The following SH3GL1 variants were observed in gnomAD, a reference collection of about 807,000 sequenced individuals.
SH3GL1 encodes the protein endophilin-A2.
SH3GL1 carries 21 observed loss-of-function variants against 48.8 expected under a neutral mutation model. The observed-to-expected ratio is 0.43, with a 90% CI of 0.30 to 0.62. SH3GL1 has a LOEUF of 0.62. SH3GL1 is among the 20% of genes least tolerant of loss of function. SH3GL1 has a pLI of 0.11. For missense variants in SH3GL1, 454 were observed against 503.0 expected (o/e 0.90, Z 0.93); for synonymous variants, 282 against 217.5 (o/e 1.30, Z -2.61).
chr19:4,372,021 C>T (rs891076838), intron 1 of SH3GL1, among the ~76,000 whole-genome samples: 3 of 152,166 alleles, frequency 2.0e-5, no homozygotes, highest in African/African-American at 4.8e-5. Context: ...ACTATGTTGC[C>T]CAGGCTGGTC....
intron 1 of SH3GL1, among the ~76,000 whole-genome samples, chr19:4,399,670 G>C (rs1247450574): frequency 6.6e-6 from 1 of 152,152 alleles, no homozygotes; most frequent in Non-Finnish European, 1.5e-5. Context: ...CAGTGCCGAC[G>C]GAGGGGGAGA....
chr19:4,399,299 G>A (rs183386474), intron 1 of SH3GL1, among the ~76,000 whole-genome samples: 1 of 113,726 alleles, frequency 8.8e-6, no homozygotes, highest in Non-Finnish European at 1.6e-5. Context: ...CAGCTGGGGC[G>A]ACAGAGCATG....
chr19:4,382,865 G>A (rs557155238), intron 1 of SH3GL1, among the ~76,000 whole-genome samples: 2 of 152,312 alleles, frequency 1.3e-5, no homozygotes, highest in African/African-American at 4.8e-5. Context: ...GTTTCTGTGA[G>A]CCTCTGCTCA....
At chr19:4,382,253 CTTT>C (rs34085741) in intron 1 of SH3GL1, among the ~76,000 whole-genome samples, 1 of 102,346 alleles carries the variant, frequency 9.8e-6, no homozygotes, top group East Asian at 2.8e-4. Context: ...GCTCCGCTTT[CTTT>C]TTTTTTTTTT....
intron 1 of SH3GL1, among the ~76,000 whole-genome samples, chr19:4,377,901 G>A (rs1032417957): frequency 2.0e-5 from 3 of 152,208 alleles, no homozygotes; most frequent in East Asian, 3.8e-4. Flanking sequence ...CTGAAGACTC[G>A]CGTTTGGGTC....
At chr19:4,366,460 G>GAGGGCCTGGGGC (rs1568409387) in intron 3 of SH3GL1, 41 bp downstream of exon 3, 3 of 1,499,392 alleles carry the variant, frequency 2.0e-6, no homozygotes, top group Non-Finnish European at 2.8e-6. Flanking sequence ...ACAGAGGCCA[G>GAGGGCCTGGGGC]AGGGCCTGGG....
intron 7 of SH3GL1, 99 bp from the exon 8 acceptor site, chr19:4,362,835 G>A: frequency 6.3e-7 from 1 of 1,575,912 alleles, no homozygotes. Flanking sequence ...GCCTGGGACT[G>A]CAGGAAGAGG....
intron 1 of SH3GL1, among the ~76,000 whole-genome samples, chr19:4,383,943 T>C (rs776102216): frequency 7.9e-5 from 12 of 152,180 alleles, no homozygotes; most frequent in Non-Finnish European, 1.6e-4. Context: ...ACATATGCGA[T>C]GGGTGACAGA....
At chr19:4,364,709 G>T (rs1479483451) in intron 4 of SH3GL1, 1 of 156,244 alleles carries the variant, frequency 6.4e-6, no homozygotes, top group Admixed American at 6.3e-5. Flanking sequence ...GATTACAGGC[G>T]TGAGCCACCG....
chr19:4,388,653 G>T lies in SH3GL1; in HGVS notation c.45+11671C>A, dbSNP rs892325647. Reference sequence around the variant, plus strand: ...AGCCAGTTTCTGGAGGCTGGGAGTGGTTTAGTTTGGGGAAGCATTCAAGCC... The same window carrying T: ...AGCCAGTTTCTGGAGGCTGGGAGTGTTTTAGTTTGGGGAAGCATTCAAGCC... On this transcript the variant is annotated intron_variant, in intron 1 of 9. Transcript: ENST00000269886. Among the ~76,000 whole-genome samples the T allele has an allele frequency of 5.3e-5, 8 of 152,326 alleles. No homozygotes were observed. The East Asian group carries it at 1.5e-3, about 29-fold the overall frequency.
intron 1 of SH3GL1, among the ~76,000 whole-genome samples, chr19:4,370,349 C>T (rs1024788776): frequency 2.6e-5 from 4 of 152,226 alleles, no homozygotes; most frequent in African/African-American, 9.6e-5. Context: ...GCTCCGCACT[C>T]GAGTCCATCC....
chr19:4,388,482 G>C (rs1973276278), intron 1 of SH3GL1, among the ~76,000 whole-genome samples: 1 of 152,210 alleles, frequency 6.6e-6, no homozygotes, highest in Non-Finnish European at 1.5e-5. Context: ...ACAGGGAGAA[G>C]TGGGAGGAGC....
rs758886680 is a variant in SH3GL1, at chr19:4,365,594, C to T, written c.219G>A (p.Thr73=). The T allele has an allele frequency of 1.2e-6, 2 of 1,614,154 alleles. No homozygotes were observed. Among genetic ancestry groups the T allele is most frequent in the Non-Finnish European group, 1.7e-6 (2 of 1,180,040 alleles). ...TCACCTGGCCCCGGATCTTGGACACCGTGTTGAGCATGGTCAGCTTAGCCC... is the reference window on the plus strand; with the variant it reads ...TCACCTGGCCCCGGATCTTGGACACTGTGTTGAGCATGGTCAGCTTAGCCC... ...ASRAKLTMLN[T]VSKIRGQVKN... is the part of the protein sequence containing the mutation. Residue 73 remains threonine (T), a synonymous_variant, in exon 4 of 10, where the codon ACG becomes ACA. Transcript: ENST00000269886.
At chr19:4,368,504 G>C (rs1972830340) in intron 1 of SH3GL1, among the ~76,000 whole-genome samples, 1 of 152,230 alleles carries the variant, frequency 6.6e-6, no homozygotes, top group Non-Finnish European at 1.5e-5. Flanking sequence ...GGAGTACACG[G>C]CTGGTCTTGT....
rs74428867 is a variant in SH3GL1, at chr19:4,379,618, G to A, written c.46-12624C>T. Among the ~76,000 whole-genome samples, 1,456 of 152,152 alleles carry A rather than the reference G, an allele frequency of 9.6e-3. 22 individuals are homozygous for A. The highest frequency in any genetic ancestry group is 0.032 in the African/African-American group (1,345 of 41,492). On this transcript the variant is annotated intron_variant, in intron 1 of 9. Transcript: ENST00000269886. ...CTGCATTCCTGTCTTCCTACCAGCT[G>A]GGAACTTGGCACAGCTGCCCATCCT... is the stretch of plus-strand genomic sequence containing the variant.
At position 4,362,820 on chromosome 19, in the gene SH3GL1, A is replaced by T. The variant is rs1257457340; in HGVS notation, c.729-84T>A. ...CTTGTATTTATGCTGCTGCCTAATGACCTGGCCTGGGACTGCAGGAAGAGG... is the reference window on the plus strand; with the variant it reads ...CTTGTATTTATGCTGCTGCCTAATGTCCTGGCCTGGGACTGCAGGAAGAGG... On this transcript the variant is annotated intron_variant, in intron 7 of 9. Coordinates refer to ENST00000269886, the MANE Select transcript of SH3GL1 (RefSeq NM_003025.4). The T allele has an allele frequency of 6.2e-6, 10 of 1,600,366 alleles. No individual in the cohort carries two copies. The South Asian group carries it at 7.7e-5, about 12-fold the overall frequency.
At chr19:4,393,458 G>A (rs1283288237) in intron 1 of SH3GL1, among the ~76,000 whole-genome samples, 2 of 151,904 alleles carry the variant, frequency 1.3e-5, no homozygotes, top group African/African-American at 4.8e-5. Flanking sequence ...TCCAGCCTAG[G>A]CAACATAGTG....
At chr19:4,364,294 G>C (rs1972711676) in intron 4 of SH3GL1, 73 bp from the exon 5 acceptor site, 1 of 1,583,128 alleles carries the variant, frequency 6.3e-7, no homozygotes. Flanking sequence ...CTCAGCCTTT[G>C]TTTTTGAAAT....
chr19:4,400,537 G>A lies in SH3GL1; in HGVS notation c.-169C>T. On this transcript the variant is annotated 5_prime_UTR_variant, in exon 1 of 10. Transcript: ENST00000269886. This position sits in a 1 kb window ranked among gnomAD's most constrained non-coding sequence, Gnocchi z 4.1. Reference sequence around the variant, plus strand: ...CCTCAGCCGCTCGCGCGCCCGCGCGGCCAGGATATTACATGGCAACCGCAC... The same window carrying A: ...CCTCAGCCGCTCGCGCGCCCGCGCGACCAGGATATTACATGGCAACCGCAC... 2 of 365,804 alleles carry A rather than the reference G, an allele frequency of 5.5e-6. No individual in the cohort carries two copies. The highest frequency in any genetic ancestry group is 7.6e-6 in the Non-Finnish European group (2 of 262,594). 22.7% of individuals were successfully genotyped at this position (365,804 alleles called of 1,614,324 possible). A position where few individuals can be genotyped will look rare whatever the true frequency, so the allele number is the denominator to read the frequency against.
Sources: gnomAD v4.1 joint callset for allele counts (sites outside exome capture counted in the v4.1 genomes callset) on GRCh38, gnomAD v4.1.1 for gene constraint, Gnocchi (gnomAD v3.1) non-coding constraint, MANE v1.5 for transcripts, NCBI Gene and HGNC (gene_info 2026-07-23, HGNC 2026-07-21) for gene names.